The following RBFOX3 variants were observed in gnomAD, a reference collection of about 807,000 sequenced individuals.
The protein encoded by RBFOX3 is RNA binding protein fox-1 homolog 3.
RBFOX3 carries 17 observed loss-of-function variants against 48.7 expected under a neutral mutation model. The observed-to-expected ratio is 0.35, with a 90% CI of 0.24 to 0.52. RBFOX3 has a LOEUF of 0.52. Among genes scored for constraint, RBFOX3 ranks in the 20% least tolerant of loss-of-function variants. The pLI is 0.94. For missense variants in RBFOX3, 382 were observed against 497.5 expected (o/e 0.77, Z 2.21); for synonymous variants, 212 against 209.5 (o/e 1.01, Z -0.10).
chr17:79,411,057 C>G (rs1264616391), intron 2 of RBFOX3, among the ~76,000 whole-genome samples: 2 of 152,214 alleles, frequency 1.3e-5, no homozygotes, highest in African/African-American at 2.4e-5. Flanking sequence ...TTTTGTGCCT[C>G]AGTTTCCTCC....
intron 3 of RBFOX3, among the ~76,000 whole-genome samples, chr17:79,253,806 C>A (rs142674757): frequency 5.6e-4 from 86 of 152,292 alleles, no homozygotes; most frequent in African/African-American, 2.0e-3. Flanking sequence ...TGGGCAGTGC[C>A]CTAGAGGGTT....
intron 4 of RBFOX3, among the ~76,000 whole-genome samples, chr17:79,209,306 G>A: frequency 6.6e-6 from 1 of 152,208 alleles, no homozygotes; most frequent in Non-Finnish European, 1.5e-5. Flanking sequence ...CACCATGTTT[G>A]CACCTGCTCT....
At position 79,199,019 on chromosome 17, in the gene RBFOX3, T is replaced by C. The variant is rs2056275983; in HGVS notation, c.-34+36747A>G. On this transcript the variant is annotated intron_variant, in intron 4 of 14. Coordinates refer to ENST00000693108, the MANE Select transcript of RBFOX3 (RefSeq NM_001350451.2). This position sits in a 1 kb window ranked among gnomAD's most constrained non-coding sequence, Gnocchi z 5.1. ...GATGCTGAGTTTGTGAGGCTGAACA[T>C]TGCCTGTAACTCAGTTGTGAGGCTG... Among the ~76,000 whole-genome samples the C allele has an allele frequency of 6.6e-6, 1 of 152,148 alleles. No individual in the cohort carries two copies. The highest frequency in any genetic ancestry group is 2.4e-5 in the African/African-American group (1 of 41,428).
chr17:79,282,760 C>A (rs2070866548), intron 3 of RBFOX3, among the ~76,000 whole-genome samples: 1 of 152,236 alleles, frequency 6.6e-6, no homozygotes. Context: ...CCAAACCCAG[C>A]ACAACCAACA....
intron 2 of RBFOX3, among the ~76,000 whole-genome samples, chr17:79,396,963 C>T (rs540789474): frequency 2.0e-5 from 3 of 152,330 alleles, no homozygotes; most frequent in South Asian, 2.1e-4. Flanking sequence ...CCTGTCACAG[C>T]GGCAGGGAAC....
intron 1 of RBFOX3, among the ~76,000 whole-genome samples, chr17:79,567,712 G>A (rs966030239): frequency 6.6e-6 from 1 of 152,154 alleles, no homozygotes; most frequent in Non-Finnish European, 1.5e-5. Context: ...GTACCTCTTA[G>A]GGCTGTCGTA....
intron 4 of RBFOX3, among the ~76,000 whole-genome samples, chr17:79,119,385 T>C (rs2035070300): frequency 6.6e-6 from 1 of 152,138 alleles, no homozygotes; most frequent in Admixed American, 6.5e-5. Context: ...TCCCAGCTAA[T>C]AAAACCGAGG....
Position 79,507,855 on chromosome 17 carries a change from G to A in RBFOX3, c.-319-25257C>T, listed in dbSNP as rs992415646. On this transcript the variant is annotated intron_variant, in intron 1 of 14. Coordinates refer to ENST00000693108, the MANE Select transcript of RBFOX3 (RefSeq NM_001350451.2). ...AGAGCAGGCCAGGAAAACCCACCCTGGGGAAGCTGAGCCTTCCTGGGCCTG... is the reference window on the plus strand; with the variant it reads ...AGAGCAGGCCAGGAAAACCCACCCTAGGGAAGCTGAGCCTTCCTGGGCCTG... Among the ~76,000 whole-genome samples the A allele has an allele frequency of 3.3e-5, 5 of 152,190 alleles. No homozygotes were observed. The East Asian group carries it at 9.6e-4, about 29-fold the overall frequency.
intron 3 of RBFOX3, among the ~76,000 whole-genome samples, chr17:79,255,367 G>C (rs1489666407): frequency 1.3e-5 from 2 of 152,052 alleles, no homozygotes; most frequent in Non-Finnish European, 2.9e-5. Context: ...ACCGTTGAGA[G>C]ACACGTGGAC....
chr17:79,381,458 CTG>C (rs1277263487), intron 2 of RBFOX3, among the ~76,000 whole-genome samples: 1 of 152,212 alleles, frequency 6.6e-6, no homozygotes, highest in Non-Finnish European at 1.5e-5. Context: ...TCTGGCTGCA[CTG>C]TGAGTGCTGA....
chr17:79,126,612 G>A (rs1227421541), intron 4 of RBFOX3, among the ~76,000 whole-genome samples: 4 of 152,082 alleles, frequency 2.6e-5, no homozygotes, highest in Admixed American at 1.3e-4. Context: ...GCGTGCAAAC[G>A]AGGCCCCATC....
At chr17:79,373,652 C>G (rs2058845848) in intron 2 of RBFOX3, among the ~76,000 whole-genome samples, 1 of 152,004 alleles carries the variant, frequency 6.6e-6, no homozygotes, top group Admixed American at 6.5e-5. Context: ...GGGGTGCCAG[C>G]ATCATTTTTA....
At chr17:79,525,810 TC>T (rs1271627010) in intron 1 of RBFOX3, among the ~76,000 whole-genome samples, 1 of 152,232 alleles carries the variant, frequency 6.6e-6, no homozygotes, top group African/African-American at 2.4e-5. Context: ...AAACATTTTT[TC>T]TTTAGAATTT....
chr17:79,291,656 C>G (rs2073290105), intron 3 of RBFOX3, among the ~76,000 whole-genome samples: 1 of 152,296 alleles, frequency 6.6e-6, no homozygotes, highest in South Asian at 2.1e-4. Context: ...GAGGCAGGAC[C>G]AAACAGGGAG....
intron 2 of RBFOX3, among the ~76,000 whole-genome samples, chr17:79,359,226 G>A (rs1045680777): frequency 3.9e-5 from 6 of 152,320 alleles, no homozygotes; most frequent in East Asian, 1.9e-4. Flanking sequence ...TGACTGCAGC[G>A]CCTACCCCGC....
intron 4 of RBFOX3, among the ~76,000 whole-genome samples, chr17:79,172,793 A>C (rs1228393023): frequency 1.3e-5 from 2 of 152,220 alleles, no homozygotes; most frequent in African/African-American, 4.8e-5. Context: ...AGACACAAGA[A>C]TGTTAACGAT....
At chr17:79,489,240 TAAAAAAA>T (rs71161671) in intron 1 of RBFOX3, among the ~76,000 whole-genome samples, 1 of 126,508 alleles carries the variant, frequency 7.9e-6, no homozygotes, top group African/African-American at 3.0e-5. Context: ...GCCAGAAAGT[TAAAAAAA>T]AAAAAAAAAA....
intron 1 of RBFOX3, among the ~76,000 whole-genome samples, chr17:79,495,622 A>G (rs1280780761): frequency 6.0e-4 from 12 of 20,008 alleles, no homozygotes; most frequent in African/African-American, 8.2e-4. Context: ...GAGGTGGGGG[A>G]AAGGGTACTG....
intron 4 of RBFOX3, among the ~76,000 whole-genome samples, chr17:79,131,231 T>C (rs780071828): frequency 4.6e-5 from 7 of 152,104 alleles, no homozygotes; most frequent in Non-Finnish European, 5.9e-5. Flanking sequence ...GCCCTGCGTG[T>C]ACTGTGTGCT....
Sources: gnomAD v4.1 joint callset for allele counts (sites outside exome capture counted in the v4.1 genomes callset) on GRCh38, gnomAD v4.1.1 for gene constraint, Gnocchi (gnomAD v3.1) non-coding constraint, MANE v1.5 for transcripts, NCBI Gene and HGNC (gene_info 2026-07-23, HGNC 2026-07-21) for gene names.